CECR2: variants seen among roughly 807,000 people sequenced by gnomAD.
The protein encoded by CECR2 is chromatin remodeling regulator CECR2.
CECR2 carries 30 observed loss-of-function variants against 154.5 expected under a neutral mutation model. That is an observed-to-expected ratio of 0.19 (90% CI 0.15 to 0.26). The LOEUF (loss-of-function observed/expected upper bound fraction) is 0.26, where lower values mean the gene tolerates loss of function less well. Among genes scored for constraint, CECR2 ranks in the 10% least tolerant of loss-of-function variants. CECR2 has a pLI of 1.00. For missense variants in CECR2, 1,743 were observed against 1,829.3 expected (o/e 0.95, Z 0.86); for synonymous variants, 725 against 683.7 (o/e 1.06, Z -0.94).
Position 17,543,529 on chromosome 22 carries a change from G to T in CECR2, c.2860+526G>T, listed in dbSNP as rs533547053. ...CTGGTCATAATTTTGACTCTGCGCAGGTGGGCGCTTGCTGTGCCAGGCACT... is the reference window on the plus strand; with the variant it reads ...CTGGTCATAATTTTGACTCTGCGCATGTGGGCGCTTGCTGTGCCAGGCACT... On this transcript the variant is annotated intron_variant, in intron 16 of 18. Coordinates refer to ENST00000262608, the MANE Select transcript of CECR2 (RefSeq NM_001290047.2). Among the ~76,000 whole-genome samples the T allele has an allele frequency of 1.1e-4, 16 of 151,326 alleles. No individual in the cohort carries two copies. In the South Asian group the frequency reaches 3.3e-3, roughly 32 times the overall value.
intron 1 of CECR2, among the ~76,000 whole-genome samples, chr22:17,383,638 A>C (rs2063225360): frequency 6.7e-6 from 1 of 149,254 alleles, no homozygotes; most frequent in Non-Finnish European, 1.5e-5. Flanking sequence ...GCAGTAATTT[A>C]GTCACATCTT....
intron 2 of CECR2, among the ~76,000 whole-genome samples, chr22:17,495,009 A>G (rs1052293817): frequency 2.6e-5 from 4 of 152,056 alleles, no homozygotes; most frequent in Admixed American, 6.6e-5. Flanking sequence ...TTAATTTCTT[A>G]TTTGCCTAAG....
upstream of CECR2, among the ~76,000 whole-genome samples, chr22:17,365,056 C>T (rs943563435): frequency 5.3e-5 from 8 of 152,060 alleles, no homozygotes; most frequent in African/African-American, 1.9e-4. Flanking sequence ...GAAACCCTAT[C>T]TCTACTAAAA....
At chr22:17,472,798 G>A (rs1361667020) in intron 1 of CECR2, among the ~76,000 whole-genome samples, 1 of 152,186 alleles carries the variant, frequency 6.6e-6, no homozygotes, top group Non-Finnish European at 1.5e-5. Flanking sequence ...TGTGTTAAAT[G>A]GGTTGGTAGG....
chr22:17,511,215 A>T (rs952175911), intron 7 of CECR2, among the ~76,000 whole-genome samples: 1 of 152,240 alleles, frequency 6.6e-6, no homozygotes, highest in Non-Finnish European at 1.5e-5. Context: ...CTTGGCCTTC[A>T]AAAGTAGTAA....
intron 1 of CECR2, among the ~76,000 whole-genome samples, chr22:17,382,722 T>C (rs561401562): frequency 2.0e-5 from 3 of 151,580 alleles, no homozygotes; most frequent in East Asian, 1.9e-4. Context: ...CTGGCCAACA[T>C]GGTGAAACGC....
intron 1 of CECR2, among the ~76,000 whole-genome samples, chr22:17,476,668 G>C (rs1175919454): frequency 1.3e-5 from 2 of 152,110 alleles, no homozygotes; most frequent in Non-Finnish European, 2.9e-5. Context: ...GGTTTTTCTG[G>C]GGATTACTGA....
At position 17,542,388 on chromosome 22, in the gene CECR2, C is replaced by T. The variant is rs753849827; in HGVS notation, c.2245C>T (p.Pro749Ser). ...GGAPARPPDFPESSEIPPSHM... is the reference protein window; with the variant it reads ...GGAPARPPDFSESSEIPPSHM... ...GGCTCCAGCCCGGCCACCAGACTTT[C>T]CTGAAAGCTCAGAAATTCCTCCCAG... Residue 749 changes from proline to serine, a missense_variant, in exon 16 of 19, where the codon CCT becomes TCT. By Grantham distance (74) the Pro-to-Ser change is moderately conservative. This residue lies in a region of CECR2 where 1,250 missense variants were observed against 1,192.1 expected (regional missense o/e 1.05). Transcript: ENST00000262608. The T allele has an allele frequency of 5.6e-6, 9 of 1,613,652 alleles. No individual in the cohort carries two copies. Among genetic ancestry groups the T allele is most frequent in the Admixed American group, 3.3e-5 (2 of 60,006 alleles).
chr22:17,421,507 T>C (rs1475319961), intron 1 of CECR2, among the ~76,000 whole-genome samples: 4 of 144,464 alleles, frequency 2.8e-5, no homozygotes, highest in African/African-American at 5.1e-5. Flanking sequence ...CCCAGCTACT[T>C]GGGAGGCTGA....
intron 1 of CECR2, among the ~76,000 whole-genome samples, chr22:17,382,135 C>T (rs1278091370): frequency 6.6e-6 from 1 of 151,948 alleles, no homozygotes; most frequent in East Asian, 1.9e-4. Flanking sequence ...TGTGATCCGC[C>T]CGCCTTGGCC....
Position 17,419,537 on chromosome 22 carries a change from GGAAGAGGAA to G in CECR2, c.126+49631_126+49639del, listed in dbSNP as rs759456067. ...AAGAAGAAGAAGAAGAAGAGGAAGAGGAAGAGGAAGAGGAGGAGGAGGAGGAGGAAGAAA... is the reference window on the plus strand; with the variant it reads ...AAGAAGAAGAAGAAGAAGAGGAAGAGGAGGAGGAGGAGGAGGAGGAAGAAA... On this transcript the variant is annotated intron_variant, in intron 1 of 18. Coordinates refer to ENST00000262608, the MANE Select transcript of CECR2 (RefSeq NM_001290047.2). 1.8e-3 allele frequency: 354 copies of G among 199,734 alleles called. 1 individual carries two copies. Among genetic ancestry groups the G allele is most frequent in the African/African-American group, 0.016 (339 of 20,580 alleles). The allele number at this position is 199,734 out of a possible 1,614,324, so 12.4% of individuals were successfully genotyped here.
chr22:17,476,205 T>A (rs147233331), intron 1 of CECR2, among the ~76,000 whole-genome samples: 2 of 151,034 alleles, frequency 1.3e-5, no homozygotes, highest in East Asian at 3.9e-4. Flanking sequence ...ACAGCAGAAG[T>A]AACCCTTTTC....
At chr22:17,446,494 G>C (rs968788450) in intron 1 of CECR2, among the ~76,000 whole-genome samples, 3 of 152,146 alleles carry the variant, frequency 2.0e-5, no homozygotes, top group Non-Finnish European at 2.9e-5. Context: ...GAGGCGGGCG[G>C]ATCACGAGGT....
At chr22:17,404,780 T>TCC (rs987963423) in intron 1 of CECR2, among the ~76,000 whole-genome samples, 3 of 152,200 alleles carry the variant, frequency 2.0e-5, no homozygotes, top group East Asian at 1.9e-4. Context: ...ATAATGTTAG[T>TCC]CCTCTCACTT....
At chr22:17,364,282 G>C (rs948173973) in intron 1 of CECR2, among the ~76,000 whole-genome samples, 3 of 138,486 alleles carry the variant, frequency 2.2e-5, no homozygotes, top group Non-Finnish European at 4.6e-5. Flanking sequence ...GGCGGAGCTT[G>C]CAGTGAGCTG....
rs199868742 is a variant in CECR2 at position 17,500,675 on chromosome 22, C to A, written c.590C>A (p.Thr197Lys). Reference sequence around the variant, plus strand: ...AATGTCTCAAGTATTCCTGGAAAAACGGGAAAAAGAAGAGGAAGACCCCCA... The same window carrying A: ...AATGTCTCAAGTATTCCTGGAAAAAAGGGAAAAAGAAGAGGAAGACCCCCA... The part of the protein sequence containing the change: ...QKNVSSIPGK[T>K]GKRRGRPPKR... The change falls in exon 5 of 19, where the codon ACG becomes AAG. Residue 197 changes from threonine (T) to lysine (K), a missense_variant. Around this residue, in one of 4 missense-constraint regions of CECR2, gnomAD observed 292 missense variants for 301.2 expected, o/e 0.97. Transcript: ENST00000262608. 1.1e-4 allele frequency: 175 copies of A among 1,557,472 alleles called. 1 individual carries two copies. The highest frequency in any genetic ancestry group is 2.7e-5 in the Non-Finnish European group (31 of 1,150,952).
At chr22:17,416,458 G>A (rs1364613328) in intron 1 of CECR2, among the ~76,000 whole-genome samples, 1 of 152,086 alleles carries the variant, frequency 6.6e-6, no homozygotes, top group African/African-American at 2.4e-5. Context: ...ACCAAATAGG[G>A]TATGTTGGTT....
At chr22:17,377,285 T>A (rs1423623006) in intron 1 of CECR2, among the ~76,000 whole-genome samples, 1 of 152,210 alleles carries the variant, frequency 6.6e-6, no homozygotes, top group African/African-American at 2.4e-5. Context: ...TGTCTGCAAA[T>A]AAGCTACTTT....
At chr22:17,481,129 G>A (rs561191336) in intron 2 of CECR2, among the ~76,000 whole-genome samples, 10 of 150,478 alleles carry the variant, frequency 6.6e-5, no homozygotes, top group Middle Eastern at 3.4e-3. Flanking sequence ...AGATCACGAG[G>A]TCAGGAAATC....
Sources: gnomAD v4.1 joint callset for allele counts (sites outside exome capture counted in the v4.1 genomes callset) on GRCh38, gnomAD v4.1.1 for gene constraint, gnomAD v4.1.1 regional missense constraint, MANE v1.5 for transcripts, NCBI Gene and HGNC (gene_info 2026-07-23, HGNC 2026-07-21) for gene names.